Variants in PTGFRN observed in about 807,000 individuals in gnomAD.
PTGFRN encodes prostaglandin F2 receptor negative regulator.
A neutral mutation model predicts 83.2 loss-of-function variants in PTGFRN; 35 were observed. That is an observed-to-expected ratio of 0.42 (90% CI 0.32 to 0.56). PTGFRN has a LOEUF of 0.56. Among genes scored for constraint, PTGFRN ranks in the 20% least tolerant of loss-of-function variants. The pLI, the probability that PTGFRN is intolerant of heterozygous loss-of-function variation, is 0.11. For synonymous variants in PTGFRN, 519 were observed against 498.6 expected, an observed-to-expected ratio of 1.04 and a Z score of -0.55; for missense variants, 1,051 against 1,179.5, an observed-to-expected ratio of 0.89 and a Z score of 1.60.
At chr1:116,939,498 A>G (rs974529795) in intron 1 of PTGFRN, among the ~76,000 whole-genome samples, 9 of 152,218 alleles carry the variant, frequency 5.9e-5, no homozygotes, top group African/African-American at 1.9e-4. Context: ...CCAAGTCCCT[A>G]GGCTGCACAC....
intron 3 of PTGFRN, 125 bp from the exon 4 acceptor site, chr1:116,949,067 G>A: frequency 8.2e-7 from 1 of 1,215,206 alleles, no homozygotes; most frequent in Non-Finnish European, 1.1e-6. Context: ...ACTTACAACT[G>A]TACAAAGCCT....
At chr1:116,913,459 G>T (rs1649322232) in intron 1 of PTGFRN, among the ~76,000 whole-genome samples, 2 of 151,070 alleles carry the variant, frequency 1.3e-5, no homozygotes, top group South Asian at 4.2e-4. Flanking sequence ...AAATAATGGG[G>T]GAGGAAAGGT....
intron 1 of PTGFRN, among the ~76,000 whole-genome samples, chr1:116,932,005 A>C (rs1259757975): frequency 2.0e-5 from 3 of 152,242 alleles, no homozygotes; most frequent in Non-Finnish European, 1.5e-5. Flanking sequence ...CAAATGGTTC[A>C]GATTGGAAAG....
At position 116,967,170 on chromosome 1, in the gene PTGFRN, G is replaced by T; in HGVS notation, c.1899G>T (p.Val633=). The T allele has an allele frequency of 6.2e-7, 1 of 1,614,188 alleles. No homozygotes were observed. The highest frequency in any genetic ancestry group is 2.2e-5 in the East Asian group (1 of 44,888). The part of the protein sequence containing the change: ...SRVDGVVLEK[V]QEDEFRYRMY... ...TGGATGGCGTTGTTTTAGAAAAAGT[G>T]CAGGAGGATGAGTTCCGCTATCGAA... The change falls in exon 6 of 9, where the codon GTG becomes GTT. Residue 633 remains valine, a synonymous_variant. Transcript: ENST00000393203.
In PTGFRN at chr1:116,970,117, A is replaced by G. The variant is rs545494270; in HGVS notation, c.2059+2787A>G. On this transcript the variant is annotated intron_variant, in intron 6 of 8. Transcript: ENST00000393203. ...TTTCTCGAGTAATTGCCCAGCCAGA[A>G]CCTCCAATACAGTGTTGAATGGAAG... Among the ~76,000 whole-genome samples, 58 of 152,180 alleles carry G rather than the reference A, an allele frequency of 3.8e-4. No homozygotes were observed. The South Asian group carries it at 7.3e-3, about 19-fold the overall frequency.
intron 8 of PTGFRN, among the ~76,000 whole-genome samples, chr1:116,985,681 C>T (rs1375576483): frequency 6.6e-6 from 1 of 150,488 alleles, no homozygotes; most frequent in East Asian, 1.9e-4. Flanking sequence ...GCACTCCAGC[C>T]CAGGCGACAA....
rs139888704 is a variant in PTGFRN at position 116,943,298 on chromosome 1, A to T, written c.418+1215A>T. 2.2e-3 allele frequency among the ~76,000 whole-genome samples: 332 copies of T among 152,316 alleles called. 2 individuals are homozygous for T. The highest frequency in any genetic ancestry group is 7.6e-3 in the African/African-American group (314 of 41,558). On this transcript the variant is annotated intron_variant, in intron 2 of 8. Coordinates refer to ENST00000393203, the MANE Select transcript of PTGFRN (RefSeq NM_020440.4). ...TTCAGAACATGTTATTTAGAAAAAG[A>T]CACTCTTGTATTGGAGCTAAATATT...
chr1:116,957,679 A>G (rs148614059), intron 4 of PTGFRN, among the ~76,000 whole-genome samples: 1 of 152,252 alleles, frequency 6.6e-6, no homozygotes, highest in African/African-American at 2.4e-5. Flanking sequence ...ATACATGGTT[A>G]TTAACTATAG....
Position 116,934,682 on chromosome 1 carries a change from A to AT in PTGFRN, c.50-7027dup, listed in dbSNP as rs975231148. On this transcript the variant is annotated intron_variant, in intron 1 of 8. Coordinates refer to ENST00000393203, the MANE Select transcript of PTGFRN (RefSeq NM_020440.4). The stretch of plus-strand genomic sequence containing the variant: ...CCTGGAGGTCTGTTTCTATTGTCTT[A>AT]TTTTTTCTCTTTTGTTTTTGTTTAT... Among the ~76,000 whole-genome samples, 8 of 150,770 alleles carry AT rather than the reference A, an allele frequency of 5.3e-5. No homozygotes were observed. In the South Asian group the frequency reaches 6.3e-4, roughly 12 times the overall value.
intron 4 of PTGFRN, among the ~76,000 whole-genome samples, chr1:116,959,748 C>A (rs1033402472): frequency 6.6e-6 from 1 of 151,876 alleles, no homozygotes; most frequent in African/African-American, 2.4e-5. Flanking sequence ...CTGAGGTGGG[C>A]AGATCACTTG....
At chr1:116,967,656 G>C (rs2101080708) in intron 6 of PTGFRN, among the ~76,000 whole-genome samples, 1 of 152,200 alleles carries the variant, frequency 6.6e-6, no homozygotes, top group South Asian at 2.1e-4. Flanking sequence ...GCCTATTATG[G>C]ACATTTCACA....
intron 3 of PTGFRN, 140 bp from the exon 4 acceptor site, chr1:116,949,052 C>T: frequency 9.9e-7 from 1 of 1,008,668 alleles, no homozygotes; most frequent in Non-Finnish European, 1.4e-6. Flanking sequence ...AAATATTTCT[C>T]AAGCACTTAC....
At chr1:116,972,821 C>T (rs767937320) in intron 6 of PTGFRN, among the ~76,000 whole-genome samples, 1 of 152,214 alleles carries the variant, frequency 6.6e-6, no homozygotes, top group Non-Finnish European at 1.5e-5. Flanking sequence ...GGAATGTTCT[C>T]ACCTAAGAGG....
chr1:116,986,810 C>T lies in PTGFRN; in HGVS notation c.2483C>T (p.Ala828Val). Residue 828 changes from alanine (A) to valine (V), a missense_variant, in exon 9 of 9, where the codon GCC becomes GTC. Physicochemically the swap from Ala to Val is moderately conservative, Grantham distance 64 (BLOSUM62 0). Coordinates refer to ENST00000393203, the MANE Select transcript of PTGFRN (RefSeq NM_020440.4). Reference sequence around the variant, plus strand: ...GATCTCTCCCTCCCAGTGCTGAACGCCTTCAAGTATCCCTTGCTGATCGGC... The same window carrying T: ...GATCTCTCCCTCCCAGTGCTGAACGTCTTCAAGTATCCCTTGCTGATCGGC... ...FITVKMDVLN[A>V]FKYPLLIGVG... is the part of the protein sequence containing the mutation. 1 of 1,614,114 alleles carries T rather than the reference C, an allele frequency of 6.2e-7. No homozygotes were observed. The highest frequency in any genetic ancestry group is 8.5e-7 in the Non-Finnish European group (1 of 1,179,986).
intron 4 of PTGFRN, among the ~76,000 whole-genome samples, chr1:116,959,384 A>T (rs748562528): frequency 6.6e-6 from 1 of 152,220 alleles, no homozygotes; most frequent in Non-Finnish European, 1.5e-5. Flanking sequence ...AAGCAATTAA[A>T]TACTTGTGAA....
At chr1:116,971,222 G>T (rs925932300) in intron 6 of PTGFRN, among the ~76,000 whole-genome samples, 1 of 151,894 alleles carries the variant, frequency 6.6e-6, no homozygotes, top group Admixed American at 6.6e-5. Context: ...TTTCCATATT[G>T]TCACCAATTC....
chr1:116,989,185 A>G lies in PTGFRN; in HGVS notation c.*2218A>G, dbSNP rs1487504688. On this transcript the variant is annotated 3_prime_UTR_variant, in exon 9 of 9. Transcript: ENST00000393203. ...CACAGCAGACACTCGATGGTGGTAA[A>G]TGTGATGGGTGCTTACACACTGTAC... The G allele has an allele frequency of 5.3e-5, 8 of 152,296 alleles. No individual in the cohort carries two copies. The South Asian group carries it at 8.3e-4, about 16-fold the overall frequency. 9.4% of individuals were successfully genotyped at this position (152,296 alleles called of 1,614,324 possible).
intron 1 of PTGFRN, among the ~76,000 whole-genome samples, chr1:116,917,615 A>G (rs1202662371): frequency 6.6e-6 from 1 of 152,076 alleles, no homozygotes; most frequent in Non-Finnish European, 1.5e-5. Context: ...GAGGTTTTCT[A>G]TATGTTCCCT....
chr1:116,953,086 C>G (rs1411331862), intron 4 of PTGFRN, among the ~76,000 whole-genome samples: 1 of 152,172 alleles, frequency 6.6e-6, no homozygotes, highest in African/African-American at 2.4e-5. Flanking sequence ...CCCGAAGTAC[C>G]AGACTTCTGT....
Sources: gnomAD v4.1 joint callset for allele counts (sites outside exome capture counted in the v4.1 genomes callset) on GRCh38, gnomAD v4.1.1 for gene constraint, MANE v1.5 for transcripts, NCBI Gene and HGNC (gene_info 2026-07-23, HGNC 2026-07-21) for gene names.